Variants in RAP1B observed in about 807,000 individuals in gnomAD.
RAP1B encodes the protein RAP1B, member of RAS oncogene family.
Under a neutral mutation model 27.5 loss-of-function variants are expected in RAP1B, and 1 was observed. That is an observed-to-expected ratio of 0.04 (90% CI 0.01 to 0.17). RAP1B has a LOEUF of 0.17. Ranked by LOEUF, RAP1B falls within the 10% of genes least tolerant of loss-of-function variation. The probability of loss-of-function intolerance (pLI) is 1.00; values close to 1 mark genes in which losing one functional copy is unlikely to be tolerated. For synonymous variants in RAP1B, 75 were observed against 73.1 expected (o/e 1.03, Z -0.13); for missense variants, 84 against 214.8 (o/e 0.39, Z 3.81).
In RAP1B at chr12:68,671,083, A is replaced by G. The variant is rs1875074183; in HGVS notation, c.*11834A>G. 1 of 151,980 alleles carries G rather than the reference A, an allele frequency of 6.6e-6. No homozygotes were observed. The highest frequency in any genetic ancestry group is 2.4e-5 in the African/African-American group (1 of 41,374). 9.4% of individuals were successfully genotyped at this position (151,980 alleles called of 1,614,324 possible). On this transcript the variant is annotated 3_prime_UTR_variant, in exon 8 of 8. Transcript: ENST00000250559. ...TTCAAAAGATAAATGGTTGAAAGAT[A>G]TATAACTAGGCAGTTTAGATAAGAA...
At chr12:68,643,205 C>T (rs1049787177) in intron 1 of RAP1B, among the ~76,000 whole-genome samples, 1 of 151,956 alleles carries the variant, frequency 6.6e-6, no homozygotes, top group Non-Finnish European at 1.5e-5. Flanking sequence ...ATCAGGTATT[C>T]TAGTATTACT....
At chr12:68,650,116 G>GA (rs985951844) in intron 2 of RAP1B, 27 of 200,670 alleles carry the variant, frequency 1.3e-4, no homozygotes, top group East Asian at 2.8e-4. Context: ...CTGTCTCAAA[G>GA]AAAAAAAACA....
At chr12:68,647,824 G>C (rs1474004950) in intron 1 of RAP1B, among the ~76,000 whole-genome samples, 1 of 152,086 alleles carries the variant, frequency 6.6e-6, no homozygotes, top group African/African-American at 2.4e-5. Context: ...GTTTGTAGAA[G>C]CATATCCTCT....
At chr12:68,641,380 G>T (rs1325490427) in intron 1 of RAP1B, among the ~76,000 whole-genome samples, 1 of 152,170 alleles carries the variant, frequency 6.6e-6, no homozygotes, top group Admixed American at 6.5e-5. Flanking sequence ...GCCAAAGGAG[G>T]TTTTGTTTTC....
At chr12:68,643,918 T>C (rs77105239) in intron 1 of RAP1B, among the ~76,000 whole-genome samples, 2,364 of 152,252 alleles carry the variant, frequency 0.016, 31 homozygotes, top group Middle Eastern at 0.034. Flanking sequence ...CCCCCCACCT[T>C]GTCATGTATT....
Position 68,661,954 on chromosome 12 carries a change from GATA to G in RAP1B, c.*2709_*2711del, listed in dbSNP as rs1874613841. On this transcript the variant is annotated 3_prime_UTR_variant, in exon 8 of 8. Coordinates refer to ENST00000250559, the MANE Select transcript of RAP1B (RefSeq NM_001010942.3). The stretch of plus-strand genomic sequence containing the variant: ...GTTTCCTCATCTGTAAAATGAGAAT[GATA>G]ATACCTACTTCATAGGAGAGTGAAA... 6.7e-6 allele frequency: 1 copy of G among 149,646 alleles called. No homozygotes were observed. The highest frequency in any genetic ancestry group is 1.5e-5 in the Non-Finnish European group (1 of 67,596). The allele number at this position is 149,646 out of a possible 1,614,324, so 9.3% of individuals were successfully genotyped here. A position where few individuals can be genotyped will look rare whatever the true frequency, so the allele number is the denominator to read the frequency against.
At position 68,669,935 on chromosome 12, in the gene RAP1B, C is replaced by CTGT. The variant is rs1555174533; in HGVS notation, c.*10687_*10688insGTT. ...GACAAAAATATATTTCTTTTTCTTT[C>CTGT]TTTTTTTTTTTTTTTTTTTTGAGAC... On this transcript the variant is annotated 3_prime_UTR_variant, in exon 8 of 8. Coordinates refer to ENST00000250559, the MANE Select transcript of RAP1B (RefSeq NM_001010942.3). The CTGT allele has an allele frequency of 6.6e-5, 7 of 105,384 alleles. No homozygotes were observed. The highest frequency in any genetic ancestry group is 2.5e-4 in the African/African-American group (7 of 27,794). The allele number at this position is 105,384 out of a possible 1,614,324, so 6.5% of individuals were successfully genotyped here.
chr12:68,620,685 C>T (rs902251121), intron 1 of RAP1B, among the ~76,000 whole-genome samples: 3 of 151,202 alleles, frequency 2.0e-5, no homozygotes, highest in African/African-American at 4.9e-5. Context: ...ACTGAAGTCT[C>T]GACCTCCCGG....
chr12:68,630,726 A>G (rs369210295), intron 1 of RAP1B, among the ~76,000 whole-genome samples: 15 of 151,878 alleles, frequency 9.9e-5, no homozygotes, highest in African/African-American at 3.6e-4. Flanking sequence ...CACCCAGGCT[A>G]GAGTGAAGTG....
chr12:68,622,628 A>G (rs920218605), intron 1 of RAP1B, among the ~76,000 whole-genome samples: 20 of 152,166 alleles, frequency 1.3e-4, no homozygotes, highest in African/African-American at 4.8e-4. Context: ...ATTCCTCTTC[A>G]TTACCTCTGT....
chr12:68,632,129 G>GTTTTTTTTTGTTTTTTTT (rs1872288247), intron 1 of RAP1B, among the ~76,000 whole-genome samples: 6 of 104,388 alleles, frequency 5.7e-5, no homozygotes, highest in African/African-American at 2.6e-4. Flanking sequence ...TTTTGGATTT[G>GTTTTTTTTTGTTTTTTTT]TTTTTTTTTT....
chr12:68,650,874 A>T (rs1333342716), intron 3 of RAP1B: 1 of 152,724 alleles, frequency 6.5e-6, no homozygotes, highest in Admixed American at 6.5e-5. Flanking sequence ...ATACTGGTTG[A>T]ATATCCCTTA....
chr12:68,661,939 C>G lies in RAP1B; in HGVS notation c.*2690C>G, dbSNP rs990692456. 5 of 150,238 alleles carry G rather than the reference C, an allele frequency of 3.3e-5. No individual in the cohort carries two copies. The highest frequency in any genetic ancestry group is 7.4e-5 in the Non-Finnish European group (5 of 67,682). 9.3% of individuals were successfully genotyped at this position (150,238 alleles called of 1,614,324 possible). A position where few individuals can be genotyped will look rare whatever the true frequency, so the allele number is the denominator to read the frequency against. On this transcript the variant is annotated 3_prime_UTR_variant, in exon 8 of 8. Transcript: ENST00000250559. Reference sequence around the variant, plus strand: ...TGGTTGGGTGCCTTGGTTTCCTCATCTGTAAAATGAGAATGATAATACCTA... The same window carrying G: ...TGGTTGGGTGCCTTGGTTTCCTCATGTGTAAAATGAGAATGATAATACCTA...
intron 1 of RAP1B, among the ~76,000 whole-genome samples, chr12:68,630,889 C>T (rs971511903): frequency 2.0e-5 from 3 of 151,752 alleles, no homozygotes; most frequent in African/African-American, 7.3e-5. Context: ...CGCCTTGTTG[C>T]CCAAGGATTA....
At chr12:68,650,623 C>A (rs147776890) in intron 3 of RAP1B, 155 bp downstream of exon 3, 3 of 685,736 alleles carry the variant, frequency 4.4e-6, no homozygotes, top group Non-Finnish European at 2.1e-6. Context: ...TGCATAGTTA[C>A]CAGTTTAAGA....
rs530656620 is a variant in RAP1B, at chr12:68,632,845, A to G, written c.-26-15854A>G. ...ATTATAGGCACTGTATGGGCTAATG[A>G]TTTTTTTAGAGATGATGCCTCACTA... On this transcript the variant is annotated intron_variant, in intron 1 of 7. Coordinates refer to ENST00000250559, the MANE Select transcript of RAP1B (RefSeq NM_001010942.3). Among the ~76,000 whole-genome samples, 279 of 152,168 alleles carry G rather than the reference A, an allele frequency of 1.8e-3. 1 individual carries two copies. The highest frequency in any genetic ancestry group is 6.3e-3 in the African/African-American group (263 of 41,526).
Position 68,647,183 on chromosome 12 carries a change from G to A in RAP1B, c.-26-1516G>A, listed in dbSNP as rs1565670358. ...TTCTCATGCCTCGGCTTTGCGAGTA[G>A]CTGTGATTACAGGCGTGTACCACCA... On this transcript the variant is annotated intron_variant, in intron 1 of 7. Coordinates refer to ENST00000250559, the MANE Select transcript of RAP1B (RefSeq NM_001010942.3). Among the ~76,000 whole-genome samples, 3 of 152,274 alleles carry A rather than the reference G, an allele frequency of 2.0e-5. No individual in the cohort carries two copies. In the East Asian group the frequency reaches 5.8e-4, roughly 30 times the overall value.
chr12:68,670,293 T>A lies in RAP1B; in HGVS notation c.*11044T>A, dbSNP rs934756767. The A allele has an allele frequency of 6.6e-6, 1 of 152,134 alleles. No homozygotes were observed. The highest frequency in any genetic ancestry group is 1.9e-4 in the East Asian group (1 of 5,196). 9.4% of individuals were successfully genotyped at this position (152,134 alleles called of 1,614,324 possible). A position where few individuals can be genotyped will look rare whatever the true frequency, so the allele number is the denominator to read the frequency against. ...AGTAAAATGCTAGCACAACTAACTA[T>A]CTGTCTAAAGACAATAAAAGTTCAA... On this transcript the variant is annotated 3_prime_UTR_variant, in exon 8 of 8. Transcript: ENST00000250559.
intron 1 of RAP1B, among the ~76,000 whole-genome samples, chr12:68,644,909 C>T (rs1261843138): frequency 6.6e-6 from 1 of 151,942 alleles, no homozygotes; most frequent in African/African-American, 2.4e-5. Flanking sequence ...TCTTGAACTT[C>T]TGACCAGCCT....
Sources: allele counts gnomAD v4.1 joint callset (sites outside exome capture counted in the v4.1 genomes callset), GRCh38; gene constraint gnomAD v4.1.1; transcripts MANE v1.5; gene names NCBI Gene and HGNC (gene_info 2026-07-23, HGNC 2026-07-21).